Variants in TRAPPC9 observed in about 807,000 individuals in gnomAD.
TRAPPC9 encodes the protein IKK2 binding protein.
A neutral mutation model predicts 124.0 loss-of-function variants in TRAPPC9; 83 were observed. The ratio of observed to expected loss-of-function variants is 0.67; its 90% CI spans 0.56 to 0.80. The LOEUF (loss-of-function observed/expected upper bound fraction) is 0.80. TRAPPC9 is among the 30% of genes least tolerant of loss of function. The pLI, the probability that TRAPPC9 is intolerant of heterozygous loss-of-function variation, is 0.00. For missense variants in TRAPPC9, 1,302 were observed against 1,508.3 expected, an observed-to-expected ratio of 0.86 and a Z score of 2.27; for synonymous variants, 638 against 617.5, an observed-to-expected ratio of 1.03 and a Z score of -0.49.
intron 17 of TRAPPC9, among the ~76,000 whole-genome samples, chr8:140,123,146 C>T (rs1477927339): frequency 6.6e-6 from 1 of 152,114 alleles, no homozygotes; most frequent in Non-Finnish European, 1.5e-5. Context: ...GCTTCCCCAT[C>T]TCAGTAACCG....
At chr8:139,843,011 C>G (rs1319816219) in intron 21 of TRAPPC9, among the ~76,000 whole-genome samples, 2 of 152,230 alleles carry the variant, frequency 1.3e-5, no homozygotes, top group Non-Finnish European at 2.9e-5. Context: ...CTGCCCCAGC[C>G]ACTGCCCAGC....
At chr8:139,851,681 AG>A (rs1368744483) in intron 21 of TRAPPC9, among the ~76,000 whole-genome samples, 1 of 152,216 alleles carries the variant, frequency 6.6e-6, no homozygotes, top group Non-Finnish European at 1.5e-5. Context: ...TGAGTCGGGA[AG>A]GGGAAAGGTC....
At chr8:139,882,466 G>A (rs894479429) in intron 21 of TRAPPC9, among the ~76,000 whole-genome samples, 5 of 152,234 alleles carry the variant, frequency 3.3e-5, no homozygotes, top group East Asian at 1.9e-4. Flanking sequence ...TGAATACCAC[G>A]GCTCTTTTCT....
chr8:140,233,623 C>CCACACACACCCACACACACACACACACA (rs1554648048), intron 16 of TRAPPC9, among the ~76,000 whole-genome samples: 1 of 90,848 alleles, frequency 1.1e-5, no homozygotes, highest in Non-Finnish European at 2.1e-5. Flanking sequence ...TCTCTCCCCA[C>CCACACACACCCACACACACACACACACA]CACACACACA....
intron 17 of TRAPPC9, among the ~76,000 whole-genome samples, chr8:140,207,675 G>C (rs555474783): frequency 7.2e-5 from 11 of 152,190 alleles, no homozygotes; most frequent in Non-Finnish European, 1.6e-4. Flanking sequence ...CTGGTGCTTC[G>C]CGGTGACAGC....
chr8:140,387,525 C>T (rs1478990885), intron 7 of TRAPPC9, among the ~76,000 whole-genome samples: 7 of 152,044 alleles, frequency 4.6e-5, no homozygotes, highest in Non-Finnish European at 8.8e-5. Flanking sequence ...AACAAATTTA[C>T]AAGAAAAAAA....
intron 21 of TRAPPC9, among the ~76,000 whole-genome samples, chr8:139,849,606 C>T (rs1338453668): frequency 2.0e-5 from 3 of 152,310 alleles, no homozygotes; most frequent in African/African-American, 7.2e-5. Flanking sequence ...CAGAGTACTT[C>T]GTGTAATATT....
intron 5 of TRAPPC9, among the ~76,000 whole-genome samples, chr8:140,409,708 G>A (rs1339455633): frequency 6.6e-6 from 1 of 151,844 alleles, no homozygotes. Context: ...AAAACACCAA[G>A]TACAAAAGAA....
chr8:140,225,486 T>C (rs1191426284), intron 16 of TRAPPC9, among the ~76,000 whole-genome samples: 1 of 152,122 alleles, frequency 6.6e-6, no homozygotes, highest in Non-Finnish European at 1.5e-5. Flanking sequence ...TTTGAATGAG[T>C]TTATTTTCTC....
chr8:140,357,132 G>T (rs908313642), intron 9 of TRAPPC9, among the ~76,000 whole-genome samples: 1 of 152,134 alleles, frequency 6.6e-6, no homozygotes, highest in African/African-American at 2.4e-5. Context: ...CGTAACTGAT[G>T]ACCGACAAGT....
At chr8:139,775,676 C>G (rs1304319370) in intron 21 of TRAPPC9, among the ~76,000 whole-genome samples, 1 of 152,220 alleles carries the variant, frequency 6.6e-6, no homozygotes, top group Non-Finnish European at 1.5e-5. Flanking sequence ...AGAGCCCAGG[C>G]TGTGAGTCTG....
rs1260133689 is a variant in TRAPPC9 at position 140,087,495 on chromosome 8, T to C, written c.2557-63416A>G. ...GCTCACACATGACTCGCCTGAAGAA[T>C]ATGGTTGTGTTTTCCCCACATTCTA... On this transcript the variant is annotated intron_variant, in intron 17 of 22. Transcript: ENST00000438773. This position sits in a 1 kb window ranked among gnomAD's most constrained non-coding sequence, Gnocchi z 4.6. Among the ~76,000 whole-genome samples, 2 of 152,184 alleles carry C rather than the reference T, an allele frequency of 1.3e-5. No individual in the cohort carries two copies. The highest frequency in any genetic ancestry group is 1.3e-4 in the Admixed American group (2 of 15,274).
chr8:139,849,320 AATC>A (rs768068294), intron 21 of TRAPPC9, among the ~76,000 whole-genome samples: 3 of 152,212 alleles, frequency 2.0e-5, no homozygotes, highest in African/African-American at 4.8e-5. Flanking sequence ...AAGCATCTCC[AATC>A]ATTTGCCACT....
chr8:140,341,720 T>TA (rs1047925594), intron 9 of TRAPPC9, among the ~76,000 whole-genome samples: 35 of 151,156 alleles, frequency 2.3e-4, no homozygotes, highest in Middle Eastern at 3.5e-3. Context: ...AATTTTCTTC[T>TA]ACCAAAAGGT....
chr8:140,244,164 A>G (rs1190676740), intron 16 of TRAPPC9, among the ~76,000 whole-genome samples: 1 of 152,208 alleles, frequency 6.6e-6, no homozygotes, highest in Non-Finnish European at 1.5e-5. Flanking sequence ...GAGGTTGGGG[A>G]CCGCTGCCCA....
chr8:140,262,336 C>T (rs2131558594), intron 15 of TRAPPC9, among the ~76,000 whole-genome samples: 1 of 152,306 alleles, frequency 6.6e-6, no homozygotes, highest in East Asian at 1.9e-4. Flanking sequence ...CCCCTCAGCC[C>T]TCCCTGAGTT....
intron 21 of TRAPPC9, among the ~76,000 whole-genome samples, chr8:139,804,166 C>CCACCACCACCCACCACCGCCACCAAG: frequency 7.8e-6 from 1 of 128,644 alleles, no homozygotes; most frequent in Non-Finnish European, 1.7e-5. Context: ...CCACCAAGCA[C>CCACCACCACCCACCACCGCCACCAAG]CACCACCACC....
Position 140,063,976 on chromosome 8 carries a change from T to A in TRAPPC9, c.2557-39897A>T, listed in dbSNP as rs1347938499. Among the ~76,000 whole-genome samples, 1 of 151,688 alleles carries A rather than the reference T, an allele frequency of 6.6e-6. No individual in the cohort carries two copies. The highest frequency in any genetic ancestry group is 1.5e-5 in the Non-Finnish European group (1 of 67,888). On this transcript the variant is annotated intron_variant, in intron 17 of 22. Coordinates refer to ENST00000438773, the MANE Select transcript of TRAPPC9 (RefSeq NM_001160372.4). The surrounding 1 kb of genome is among the most constrained non-coding windows in gnomAD (Gnocchi z 4.3). ...TTTCCTGCCAGCAAAAATTCGACTC[T>A]CTGCTGCAGGCCCTCCTAAAATGGC...
intron 16 of TRAPPC9, among the ~76,000 whole-genome samples, chr8:140,237,848 G>A (rs1348925822): frequency 6.6e-6 from 1 of 152,136 alleles, no homozygotes; most frequent in South Asian, 2.1e-4. Flanking sequence ...ATTAGCAGCC[G>A]GGAGCCCAAT....
Sources: gnomAD v4.1 joint callset for allele counts (sites outside exome capture counted in the v4.1 genomes callset) on GRCh38, gnomAD v4.1.1 for gene constraint, Gnocchi (gnomAD v3.1) non-coding constraint, MANE v1.5 for transcripts, NCBI Gene and HGNC (gene_info 2026-07-23, HGNC 2026-07-21) for gene names.